Variants in BPTF observed in about 807,000 individuals in gnomAD.
BPTF encodes the protein bromodomain PHD finger transcription factor.
BPTF carries 18 observed loss-of-function variants against 292.5 expected under a neutral mutation model. That is an observed-to-expected ratio of 0.06 (90% CI 0.04 to 0.09). The LOEUF is 0.09. Ranked by LOEUF, BPTF falls within the 10% of genes least tolerant of loss-of-function variation. BPTF has a pLI of 1.00. For missense variants in BPTF, 2,726 were observed against 3,498.7 expected, an observed-to-expected ratio of 0.78 and a Z score of 5.57; for synonymous variants, 1,225 against 1,251.9, an observed-to-expected ratio of 0.98 and a Z score of 0.45.
intron 10 of BPTF, 52 bp from the exon 11 acceptor site, chr17:67,910,825 T>C: frequency 7.8e-7 from 1 of 1,281,234 alleles, no homozygotes; most frequent in Non-Finnish European, 1.0e-6. Context: ...TATATATAAA[T>C]TCCTCCTTTC....
In BPTF at chr17:67,912,633, C is replaced by T. The variant is rs202094354; in HGVS notation, c.4749C>T (p.Thr1583=). Residue 1583 remains threonine, a synonymous_variant, in exon 11 of 28, where the codon ACC becomes ACT. Coordinates refer to ENST00000306378, the MANE Select transcript of BPTF (RefSeq NM_182641.4). ...ENVNGESKRK[T]VITEVTTMTS... ...TCAATGGAGAATCTAAAAGAAAAAC[C>T]GTCATCACAGAAGTCACCACGATGA... is the stretch of plus-strand genomic sequence containing the variant. The T allele has an allele frequency of 1.2e-4, 186 of 1,613,090 alleles. No homozygotes were observed. The highest frequency in any genetic ancestry group is 8.3e-4 in the Middle Eastern group (5 of 6,060).
intron 3 of BPTF, among the ~76,000 whole-genome samples, chr17:67,871,584 T>A (rs1382565781): frequency 6.6e-6 from 1 of 152,176 alleles, no homozygotes; most frequent in African/African-American, 2.4e-5. Context: ...ATGCTTTATT[T>A]TGCTTATTTG....
chr17:67,850,180 A>G (rs1474372159), intron 1 of BPTF, among the ~76,000 whole-genome samples: 1 of 152,222 alleles, frequency 6.6e-6, no homozygotes, highest in Non-Finnish European at 1.5e-5. Flanking sequence ...TGTTTATTTA[A>G]TAGCTTATTA....
chr17:67,891,983 G>T lies in BPTF; in HGVS notation c.2004G>T (p.Gln668His). 3 of 1,609,322 alleles carry T rather than the reference G, an allele frequency of 1.9e-6. No homozygotes were observed. The highest frequency in any genetic ancestry group is 2.5e-6 in the Non-Finnish European group (3 of 1,178,136). Residue 668 changes from glutamine (Q) to histidine (H), a missense_variant, in exon 5 of 28, where the codon CAG becomes CAT. Physicochemically the swap from Gln to His is conservative, Grantham distance 24. This residue lies in a region of BPTF where 63 missense variants were observed against 84.1 expected (regional missense o/e 0.75). Transcript: ENST00000306378. ...DSKLSQLKSQQVAAAAHEANK... is the reference protein window; with the variant it reads ...DSKLSQLKSQHVAAAAHEANK... ...AACTTAGTCAGCTGAAGAGCCAGCA[G>T]GTGGCAGCCGCTGCACATGAAGCAA...
chr17:67,901,909 G>A (rs1293323067), intron 7 of BPTF, among the ~76,000 whole-genome samples: 3 of 152,216 alleles, frequency 2.0e-5, no homozygotes, highest in African/African-American at 7.2e-5. Flanking sequence ...GGTTTACCAA[G>A]AAAGACATAA....
At position 67,944,227 on chromosome 17, in the gene BPTF, G is replaced by A. The variant is rs1555673287; in HGVS notation, c.6555G>A (p.Gly2185=). 2 of 1,614,124 alleles carry A rather than the reference G, an allele frequency of 1.2e-6. 1 individual carries two copies. The highest frequency in any genetic ancestry group is 2.2e-5 in the South Asian group (2 of 91,076). Residue 2185 remains glycine (G), a synonymous_variant, in exon 20 of 28, where the codon GGG becomes GGA. Transcript: ENST00000306378. The part of the protein sequence containing the change: ...TTGQLQLIPQ[G]VTVLPGPGQQ... ...GACAGTTGCAGTTGATACCTCAAGG[G>A]GTGACTGTACTCCCAGGCCCAGGCC... is the stretch of plus-strand genomic sequence containing the variant.
chr17:67,922,529 C>T (rs74685511), intron 13 of BPTF, among the ~76,000 whole-genome samples: 2,793 of 152,164 alleles, frequency 0.018, 94 homozygotes, highest in African/African-American at 0.064. Context: ...TGGAATAGTG[C>T]TCCAGGTGGA....
In BPTF at chr17:67,825,929, G is replaced by C. The variant is rs1011342595; in HGVS notation, c.205G>C (p.Gly69Arg). Residue 69 changes from glycine to arginine, a missense_variant, in exon 1 of 28, where the codon GGG becomes CGG. This residue lies in a region of BPTF where 103 missense variants were observed against 72.1 expected (regional missense o/e 1.43). Transcript: ENST00000306378. Reference sequence around the variant, plus strand: ...CAAGACGCGGCTGAGCTCGCCCAGGGGGGGCAGCAGTAGCCGGAGGAAGCC... The same window carrying C: ...CAAGACGCGGCTGAGCTCGCCCAGGCGGGGCAGCAGTAGCCGGAGGAAGCC... ...APKTRLSSPR[G>R]GSSSRRKPPP... is the part of the protein sequence containing the mutation. 8.9e-6 allele frequency: 9 copies of C among 1,015,598 alleles called. No homozygotes were observed. In the East Asian group the frequency reaches 2.9e-4, roughly 32 times the overall value. 62.9% of individuals were successfully genotyped at this position (1,015,598 alleles called of 1,614,324 possible). A position where few individuals can be genotyped will look rare whatever the true frequency, so the allele number is the denominator to read the frequency against.
chr17:67,825,927 G>A lies in BPTF; in HGVS notation c.203G>A (p.Arg68Lys). 1 of 1,015,012 alleles carries A rather than the reference G, an allele frequency of 9.9e-7. No homozygotes were observed. Among genetic ancestry groups the A allele is most frequent in the Non-Finnish European group, 1.2e-6 (1 of 851,054 alleles). 62.9% of individuals were successfully genotyped at this position (1,015,012 alleles called of 1,614,324 possible). The stretch of plus-strand genomic sequence containing the variant: ...CCCAAGACGCGGCTGAGCTCGCCCA[G>A]GGGGGGCAGCAGTAGCCGGAGGAAG... Reference protein sequence around the residue: ...VAPKTRLSSPRGGSSSRRKPP... With the variant: ...VAPKTRLSSPKGGSSSRRKPP... The change falls in exon 1 of 28, where the codon AGG (arginine) becomes AAG (lysine). Residue 68 changes from arginine to lysine, a missense_variant. By Grantham distance (26) the Arg-to-Lys change is conservative. Transcript: ENST00000306378.
chr17:67,906,186 T>A (rs1201873238), intron 9 of BPTF, among the ~76,000 whole-genome samples: 1 of 152,018 alleles, frequency 6.6e-6, no homozygotes, highest in Non-Finnish European at 1.5e-5. Flanking sequence ...GTTCAAGCAG[T>A]TCTCCTGCCT....
intron 9 of BPTF, among the ~76,000 whole-genome samples, chr17:67,908,333 A>G (rs1040993452): frequency 2.6e-5 from 4 of 151,710 alleles, no homozygotes; most frequent in African/African-American, 4.8e-5. Context: ...TAATTTTTGT[A>G]TTTTTAGTAG....
chr17:67,941,736 A>G (rs2065382759), intron 19 of BPTF, among the ~76,000 whole-genome samples: 1 of 152,242 alleles, frequency 6.6e-6, no homozygotes, highest in Non-Finnish European at 1.5e-5. Flanking sequence ...TGAAAGTCCT[A>G]ACTGTGAAAG....
intron 7 of BPTF, among the ~76,000 whole-genome samples, chr17:67,895,351 A>AT (rs1317485502): frequency 6.6e-6 from 1 of 151,564 alleles, no homozygotes; most frequent in Non-Finnish European, 1.5e-5. Flanking sequence ...AAAAAAAAAA[A>AT]AAAAAGGAAT....
chr17:67,976,113 T>C, intron 27 of BPTF, 155 bp downstream of exon 27: 1 of 557,082 alleles, frequency 1.8e-6, no homozygotes, highest in Non-Finnish European at 2.8e-6. Flanking sequence ...GGTTATGATC[T>C]ACTGCCAAGG....
At chr17:67,904,034 A>AT (rs1264856331) in intron 8 of BPTF, 116 bp downstream of exon 8, 5 of 965,260 alleles carry the variant, frequency 5.2e-6, no homozygotes, top group Non-Finnish European at 3.0e-6. Flanking sequence ...TTATTTATTT[A>AT]TTTATTTATT....
chr17:67,941,916 A>G (rs1257483178), intron 19 of BPTF, among the ~76,000 whole-genome samples: 1 of 152,264 alleles, frequency 6.6e-6, no homozygotes, highest in Non-Finnish European at 1.5e-5. Context: ...AAAATGAGAA[A>G]AGAACCAACC....
chr17:67,967,265 C>T (rs1310519366), intron 26 of BPTF, among the ~76,000 whole-genome samples: 1 of 150,190 alleles, frequency 6.7e-6, no homozygotes, highest in Non-Finnish European at 1.5e-5. Context: ...CCTCAGCCTC[C>T]CGAGTAGCTG....
chr17:67,909,753 A>G lies in BPTF; in HGVS notation c.2984A>G (p.Lys995Arg). The change falls in exon 10 of 28, where the codon AAG (lysine) becomes AGG (arginine). Residue 995 changes from lysine to arginine, a missense_variant. Physicochemically the swap from Lys to Arg is conservative, Grantham distance 26. This residue lies in a region of BPTF where 713 missense variants were observed against 714.9 expected (regional missense o/e 1.00). Coordinates refer to ENST00000306378, the MANE Select transcript of BPTF (RefSeq NM_182641.4). ...GATATCTCAAAGATTACTGAGAAGA[A>G]GGACCAAGGTAAGGAGAGTCAGCTG... ...EMDISKITEK[K>R]DQDVKELLDS... The G allele has an allele frequency of 6.4e-7, 1 of 1,569,010 alleles. No individual in the cohort carries two copies.
intron 14 of BPTF, among the ~76,000 whole-genome samples, chr17:67,924,239 G>A (rs2147287331): frequency 6.6e-6 from 1 of 152,304 alleles, no homozygotes; most frequent in South Asian, 2.1e-4. Flanking sequence ...ACAGGCATGA[G>A]CCACCGCACC....
Sources: gnomAD v4.1 joint callset for allele counts (sites outside exome capture counted in the v4.1 genomes callset) on GRCh38, gnomAD v4.1.1 for gene constraint, gnomAD v4.1.1 regional missense constraint, MANE v1.5 for transcripts, NCBI Gene and HGNC (gene_info 2026-07-23, HGNC 2026-07-21) for gene names.